The following HS6ST3 variants were observed in gnomAD, a reference collection of about 807,000 sequenced individuals.
HS6ST3 encodes the protein heparan sulfate 6-O-sulfotransferase 3.
A neutral mutation model predicts 36.7 loss-of-function variants in HS6ST3; 12 were observed. That is an observed-to-expected ratio of 0.33 (90% CI 0.21 to 0.53). The LOEUF is 0.53. Ranked by LOEUF, HS6ST3 falls within the 20% of genes least tolerant of loss-of-function variation. The pLI, the probability that HS6ST3 is intolerant of heterozygous loss-of-function variation, is 0.95. For synonymous variants in HS6ST3, 240 were observed against 257.5 expected (o/e 0.93, Z 0.65); for missense variants, 584 against 640.9 (o/e 0.91, Z 0.96).
At chr13:96,496,856 C>A (rs2138910012) in intron 1 of HS6ST3, among the ~76,000 whole-genome samples, 1 of 152,098 alleles carries the variant, frequency 6.6e-6, no homozygotes, top group East Asian at 1.9e-4. Context: ...CTGTAGAGGT[C>A]CTTGTCAGTG....
intron 1 of HS6ST3, among the ~76,000 whole-genome samples, chr13:96,292,189 G>A (rs913193088): frequency 1.4e-5 from 2 of 147,394 alleles, no homozygotes; most frequent in African/African-American, 5.0e-5. Context: ...TTAATATGAA[G>A]TTTTTAGAAG....
intron 1 of HS6ST3, among the ~76,000 whole-genome samples, chr13:96,676,491 A>T (rs780848982): frequency 1.3e-5 from 2 of 152,198 alleles, no homozygotes; most frequent in African/African-American, 4.8e-5. Flanking sequence ...AAAGAAACAT[A>T]TATTTACTGA....
chr13:96,190,507 TATTC>T (rs374761040), intron 1 of HS6ST3, among the ~76,000 whole-genome samples: 5 of 152,170 alleles, frequency 3.3e-5, no homozygotes, highest in African/African-American at 4.8e-5. Context: ...TGCAATCAGT[TATTC>T]ATTCATTCAT....
At chr13:96,131,218 T>C (rs2139311650) in intron 1 of HS6ST3, among the ~76,000 whole-genome samples, 1 of 152,286 alleles carries the variant, frequency 6.6e-6, no homozygotes, top group Non-Finnish European at 1.5e-5. Flanking sequence ...AAACAAGTCA[T>C]TAACTACATG....
intron 1 of HS6ST3, among the ~76,000 whole-genome samples, chr13:96,571,874 A>G (rs1045764684): frequency 3.9e-5 from 6 of 152,346 alleles, no homozygotes; most frequent in Non-Finnish European, 8.8e-5. Context: ...CAACACACTG[A>G]AGGGAAATCC....
intron 1 of HS6ST3, among the ~76,000 whole-genome samples, chr13:96,655,674 C>T (rs1004729896): frequency 1.3e-5 from 2 of 151,872 alleles, no homozygotes; most frequent in African/African-American, 2.4e-5. Flanking sequence ...TGAGGAAAAA[C>T]GTACTGTGGA....
chr13:96,833,193 T>C lies in HS6ST3; in HGVS notation c.1411T>C (p.Trp471Arg). 3 of 1,554,616 alleles carry C rather than the reference T, an allele frequency of 1.9e-6. No individual in the cohort carries two copies. Among genetic ancestry groups the C allele is most frequent in the African/African-American group, 1.4e-5 (1 of 73,760 alleles). Residue 471 changes from tryptophan (W) to arginine (R), a missense_variant, in exon 2 of 2, where the codon TGG (tryptophan) becomes CGG (arginine). By Grantham distance (101) the Trp-to-Arg change is moderately radical (BLOSUM62 -3). This residue lies in a region of HS6ST3 where 360 missense variants were observed against 411.3 expected (regional missense o/e 0.88). Transcript: ENST00000376705. Reference protein sequence around the residue: ...TEDYNSQVVRW With the variant: ...TEDYNSQVVRR Reference sequence around the variant, plus strand: ...GGACTACAACAGCCAGGTGGTGAGATGGTGACCTCCTGCCCTCTCCTCTCT... The same window carrying C: ...GGACTACAACAGCCAGGTGGTGAGACGGTGACCTCCTGCCCTCTCCTCTCT...
intron 1 of HS6ST3, among the ~76,000 whole-genome samples, chr13:96,109,638 C>T (rs1279628718): frequency 1.3e-5 from 2 of 152,082 alleles, no homozygotes; most frequent in African/African-American, 4.8e-5. Flanking sequence ...AAATAAGTTG[C>T]ACTGGTGTTA....
intron 1 of HS6ST3, among the ~76,000 whole-genome samples, chr13:96,810,235 C>T (rs1455299562): frequency 6.6e-6 from 1 of 152,168 alleles, no homozygotes; most frequent in Non-Finnish European, 1.5e-5. Context: ...CCTTTCCTAT[C>T]AGGAAACCTT....
chr13:96,743,407 G>A (rs1158938577), intron 1 of HS6ST3, among the ~76,000 whole-genome samples: 1 of 152,060 alleles, frequency 6.6e-6, no homozygotes, highest in Non-Finnish European at 1.5e-5. Context: ...GGCAGTCCTT[G>A]AACTGCTCAT....
chr13:96,707,161 G>A (rs1383550115), intron 1 of HS6ST3, among the ~76,000 whole-genome samples: 2 of 152,126 alleles, frequency 1.3e-5, no homozygotes, highest in Non-Finnish European at 2.9e-5. Context: ...GTATTTGGAG[G>A]TGAGGGTTTT....
chr13:96,486,751 A>G (rs2055917165), intron 1 of HS6ST3, among the ~76,000 whole-genome samples: 1 of 152,118 alleles, frequency 6.6e-6, no homozygotes, highest in East Asian at 1.9e-4. Context: ...CTCTTGGATA[A>G]TAGATAGATT....
At chr13:96,465,733 T>C (rs893095913) in intron 1 of HS6ST3, among the ~76,000 whole-genome samples, 1 of 152,212 alleles carries the variant, frequency 6.6e-6, no homozygotes, top group African/African-American at 2.4e-5. Flanking sequence ...TTGGTTCTGC[T>C]TCTTTAAAAT....
chr13:96,555,371 G>A (rs1004118667), intron 1 of HS6ST3, among the ~76,000 whole-genome samples: 1 of 152,076 alleles, frequency 6.6e-6, no homozygotes, highest in African/African-American at 2.4e-5. Context: ...AGGACCAGTG[G>A]TCAAATGGTT....
At chr13:96,781,381 G>T (rs1332736823) in intron 1 of HS6ST3, among the ~76,000 whole-genome samples, 1 of 152,188 alleles carries the variant, frequency 6.6e-6, no homozygotes, top group Admixed American at 6.5e-5. Flanking sequence ...AGATGCCCTT[G>T]TGAAGTGAAC....
chr13:96,591,655 G>A (rs1017362195), intron 1 of HS6ST3, among the ~76,000 whole-genome samples: 4 of 152,060 alleles, frequency 2.6e-5, no homozygotes, highest in African/African-American at 9.7e-5. Context: ...AGGACAATTT[G>A]ACTTCTTTCT....
chr13:96,346,290 G>C (rs2055153830), intron 1 of HS6ST3, among the ~76,000 whole-genome samples: 1 of 152,108 alleles, frequency 6.6e-6, no homozygotes, highest in Non-Finnish European at 1.5e-5. Context: ...AAATAACAAA[G>C]CTGGCTGGGT....
intron 1 of HS6ST3, among the ~76,000 whole-genome samples, chr13:96,378,045 GAC>G (rs2055323125): frequency 6.6e-6 from 1 of 152,156 alleles, no homozygotes; most frequent in African/African-American, 2.4e-5. Flanking sequence ...AGTGTCATCT[GAC>G]AGTTTTGGGG....
intron 1 of HS6ST3, among the ~76,000 whole-genome samples, chr13:96,279,878 AC>A (rs1182787327): frequency 1.3e-5 from 2 of 152,154 alleles, no homozygotes; most frequent in Admixed American, 1.3e-4. Flanking sequence ...ACCTCATAAA[AC>A]TATATTTTTT....
Sources: gnomAD v4.1 joint callset for allele counts (sites outside exome capture counted in the v4.1 genomes callset) on GRCh38, gnomAD v4.1.1 for gene constraint, gnomAD v4.1.1 regional missense constraint, MANE v1.5 for transcripts, NCBI Gene and HGNC (gene_info 2026-07-23, HGNC 2026-07-21) for gene names.